ARID1B: variants seen among roughly 807,000 people sequenced by gnomAD.
ARID1B encodes AT-rich interaction domain 1B, also known as AT-rich interactive domain-containing protein 1B.
Under a neutral mutation model 212.3 loss-of-function variants are expected in ARID1B, and 30 were observed. The ratio of observed to expected loss-of-function variants is 0.14; its 90% confidence interval spans 0.11 to 0.19. ARID1B has a LOEUF of 0.19. ARID1B is among the 10% of genes least tolerant of loss of function. ARID1B has a pLI of 1.00. For missense variants in ARID1B, 2,891 were observed against 3,204.0 expected (o/e 0.90, Z 2.36); for synonymous variants, 1,402 against 1,301.7 (o/e 1.08, Z -1.66).
At chr6:156,981,520 C>T (rs1442970044) in intron 4 of ARID1B, among the ~76,000 whole-genome samples, 2 of 152,106 alleles carry the variant, frequency 1.3e-5, no homozygotes, top group Non-Finnish European at 2.9e-5. Context: ...TAGAAATGTA[C>T]ATATACATGC....
intron 1 of ARID1B, among the ~76,000 whole-genome samples, chr6:156,812,968 G>A (rs1411041502): frequency 0.019 from 2,569 of 135,862 alleles, 311 homozygotes; most frequent in Non-Finnish European, 0.023. Context: ...GTGTGTGTGT[G>A]TGTGTGTGTA....
chr6:157,100,779 C>T lies in ARID1B; in HGVS notation c.2492-9693C>T, dbSNP rs376210545. On this transcript the variant is annotated intron_variant, in intron 5 of 19. Coordinates refer to ENST00000636930, the MANE Select transcript of ARID1B (RefSeq NM_001374828.1). ...AGATGTACAGTGATTTCCACAGATGCGGAGTCTACCATGCAACCAACCAAT... is the reference window on the plus strand; with the variant it reads ...AGATGTACAGTGATTTCCACAGATGTGGAGTCTACCATGCAACCAACCAAT... Among the ~76,000 whole-genome samples, 80 of 152,218 alleles carry T rather than the reference C, an allele frequency of 5.3e-4. 3 individuals carry two copies. The South Asian group carries it at 0.016, about 31-fold the overall frequency.
chr6:157,052,415 T>C (rs144474926), intron 4 of ARID1B, among the ~76,000 whole-genome samples: 2,184 of 152,248 alleles, frequency 0.014, 28 homozygotes, highest in Non-Finnish European at 0.023. Context: ...CTCAAATAAG[T>C]TTTGTTGGGG....
At chr6:156,994,310 A>G (rs1244163808) in intron 4 of ARID1B, among the ~76,000 whole-genome samples, 1 of 152,174 alleles carries the variant, frequency 6.6e-6, no homozygotes, top group African/African-American at 2.4e-5. Flanking sequence ...ATCTGACTGT[A>G]TACATAGGTG....
At chr6:157,049,896 TAA>T (rs1782478615) in intron 4 of ARID1B, among the ~76,000 whole-genome samples, 3 of 152,364 alleles carry the variant, frequency 2.0e-5, no homozygotes, top group East Asian at 3.9e-4. Flanking sequence ...CATAAAAGGA[TAA>T]GTGTCTTTTC....
chr6:157,144,488 C>A (rs1789583073), intron 7 of ARID1B, among the ~76,000 whole-genome samples: 2 of 152,174 alleles, frequency 1.3e-5, no homozygotes, highest in African/African-American at 4.8e-5. Flanking sequence ...ATTACTTGTG[C>A]ATTCAAACTA....
chr6:157,141,654 C>T (rs1405076720), intron 7 of ARID1B, among the ~76,000 whole-genome samples: 1 of 152,114 alleles, frequency 6.6e-6, no homozygotes, highest in Non-Finnish European at 1.5e-5. Flanking sequence ...CAGAAAAGAT[C>T]TTACTTAAAT....
At chr6:156,957,842 C>A (rs1794082330) in intron 4 of ARID1B, among the ~76,000 whole-genome samples, 1 of 152,072 alleles carries the variant, frequency 6.6e-6, no homozygotes, top group East Asian at 1.9e-4. Flanking sequence ...GATAATGACA[C>A]CAGGATACCC....
Position 157,201,033 on chromosome 6 carries a change from G to A in ARID1B, c.4808G>A (p.Gly1603Asp), listed in dbSNP as rs2128374060. 4 of 1,613,868 alleles carry A rather than the reference G, an allele frequency of 2.5e-6. No homozygotes were observed. Among genetic ancestry groups the A allele is most frequent in the Non-Finnish European group, 3.4e-6 (4 of 1,179,800 alleles). ...DMPYPYQNRQGPGGPTQAPPY... is the reference protein window; with the variant it reads ...DMPYPYQNRQDPGGPTQAPPY... ...CCTTATCCCTACCAGAACAGGCAGG[G>A]CCCTGGCGGCCCTACACAGGCGCCC... The change falls in exon 18 of 20, where the codon GGC becomes GAC. Residue 1603 changes from glycine to aspartate, a missense_variant. Physicochemically the swap from Gly to Asp is moderately conservative, Grantham distance 94. Around this residue, in one of 7 missense-constraint regions of ARID1B, gnomAD observed 666 missense variants for 873.5 expected, o/e 0.76. Transcript: ENST00000636930. This position sits in a 1 kb window ranked among gnomAD's most constrained non-coding sequence, Gnocchi z 5.2.
intron 7 of ARID1B, among the ~76,000 whole-genome samples, chr6:157,146,671 T>C (rs1461564717): frequency 5.9e-5 from 9 of 152,146 alleles, no homozygotes; most frequent in Admixed American, 6.5e-5. Context: ...CACATACCCA[T>C]GTAGATGTGA....
At chr6:157,131,274 C>T (rs1254330855) in intron 6 of ARID1B, among the ~76,000 whole-genome samples, 1 of 152,144 alleles carries the variant, frequency 6.6e-6, no homozygotes, top group African/African-American at 2.4e-5. Flanking sequence ...TTCTTGCCCT[C>T]ATGGAGCTAA....
Position 156,778,502 on chromosome 6 carries a change from G to A in ARID1B, c.822G>A (p.Lys274=), listed in dbSNP as rs1163202694. 17 of 1,250,590 alleles carry A rather than the reference G, an allele frequency of 1.4e-5. No individual in the cohort carries two copies. Among genetic ancestry groups the A allele is most frequent in the Middle Eastern group, 6.1e-4 (2 of 3,298 alleles). The allele number at this position is 1,250,590 out of a possible 1,614,324, so 77.5% of individuals were successfully genotyped here. The part of the protein sequence containing the change: ...KPGDEDDAPP[K]MGEPAGGRYE... ...GCGACGAGGACGACGCGCCGCCCAA[G>A]ATGGGGGAGCCGGCGGGCGGCCGCT... The change falls in exon 1 of 20, where the codon AAG becomes AAA. Residue 274 remains lysine (K), a synonymous_variant. Coordinates refer to ENST00000636930, the MANE Select transcript of ARID1B (RefSeq NM_001374828.1).
At chr6:157,120,926 C>T (rs993180681) in intron 6 of ARID1B, among the ~76,000 whole-genome samples, 1 of 152,156 alleles carries the variant, frequency 6.6e-6, no homozygotes, top group Non-Finnish European at 1.5e-5. Context: ...CCTGCATGGG[C>T]CTGGCCACGC....
At chr6:157,139,232 C>T (rs1277553454) in intron 7 of ARID1B, among the ~76,000 whole-genome samples, 1 of 152,162 alleles carries the variant, frequency 6.6e-6, no homozygotes, top group Non-Finnish European at 1.5e-5. Flanking sequence ...ACCGTGTGAC[C>T]GAGCGCACCA....
At chr6:156,780,141 A>T (rs1404339789) in intron 1 of ARID1B, among the ~76,000 whole-genome samples, 2 of 152,144 alleles carry the variant, frequency 1.3e-5, no homozygotes, top group African/African-American at 4.8e-5. Context: ...TGTAAAATAC[A>T]TCGATTCGTT....
chr6:157,174,742 TATATA>T, intron 10 of ARID1B, 100 bp from the exon 11 acceptor site: 1 of 308,384 alleles, frequency 3.2e-6, no homozygotes, highest in Non-Finnish European at 5.6e-6. Flanking sequence ...ATATATATAA[TATATA>T]TAAAAAAATT....
intron 3 of ARID1B, among the ~76,000 whole-genome samples, chr6:156,934,912 T>TTTTATATATATATA (rs1313755694): frequency 1.9e-5 from 1 of 52,694 alleles, no homozygotes; most frequent in African/African-American, 7.4e-5. Flanking sequence ...TAGTTGTTAA[T>TTTTATATATATATA]TATATATATA....
intron 1 of ARID1B, among the ~76,000 whole-genome samples, chr6:156,820,649 C>T (rs1176694978): frequency 6.6e-6 from 1 of 152,196 alleles, no homozygotes; most frequent in Non-Finnish European, 1.5e-5. Flanking sequence ...CTTAAGCTTA[C>T]CTAGCTAATA....
chr6:157,189,420 CAAATAGTTTACTCA>C lies in ARID1B; in HGVS notation c.3920-218_3920-205del, dbSNP rs1475920619. On this transcript the variant is annotated intron_variant, in intron 13 of 19. Transcript: ENST00000636930. Reference sequence around the variant, plus strand: ...ATGGCTCACAAATGAAATATGTTGCCAAATAGTTTACTCAAAAACTTCTTTACTAATTTTTACTG... The same window carrying C: ...ATGGCTCACAAATGAAATATGTTGCCAAAACTTCTTTACTAATTTTTACTG... 2.0e-5 allele frequency among the ~76,000 whole-genome samples: 3 copies of C among 152,212 alleles called. No homozygotes were observed. The East Asian group carries it at 5.8e-4, about 29-fold the overall frequency.
Sources: gnomAD v4.1 joint callset for allele counts (sites outside exome capture counted in the v4.1 genomes callset) on GRCh38, gnomAD v4.1.1 for gene constraint, gnomAD v4.1.1 regional missense constraint, Gnocchi (gnomAD v3.1) non-coding constraint, MANE v1.5 for transcripts, NCBI Gene and HGNC (gene_info 2026-07-23, HGNC 2026-07-21) for gene names.